Variants in UNC93A observed in about 807,000 individuals in gnomAD.
The protein encoded by UNC93A is N-acetylglucosamine transporter UNC93A.
Under a neutral mutation model 47.5 loss-of-function variants are expected in UNC93A, and 43 were observed. The ratio of observed to expected loss-of-function variants is 0.91; its 90% CI spans 0.71 to 1.17. The LOEUF is 1.17. Among genes scored for constraint, UNC93A ranks in the 50% most tolerant of loss-of-function variants. The pLI is 0.00. For synonymous variants in UNC93A, 280 were observed against 258.0 expected, an observed-to-expected ratio of 1.09 and a Z score of -0.82; for missense variants, 605 against 577.6, an observed-to-expected ratio of 1.05 and a Z score of -0.49.
At position 167,315,071 on chromosome 6, in the gene UNC93A, G is replaced by GA. The variant is rs1405332073; in HGVS notation, c.1109-111dup. 6.8e-6 allele frequency: 10 copies of GA among 1,460,872 alleles called. No individual in the cohort carries two copies. The Admixed American group carries it at 2.3e-4, about 33-fold the overall frequency. The allele number at this position is 1,460,872 out of a possible 1,614,324, so 90.5% of individuals were successfully genotyped here. ...GTAAAATCATTCTGTTGTGAAAAAA[G>GA]AAAAATGTCTTGATTTAGTTGAGAA... is the stretch of plus-strand genomic sequence containing the variant. On this transcript the variant is annotated intron_variant, in intron 7 of 7. Transcript: ENST00000230256.
At position 167,291,575 on chromosome 6, in the gene UNC93A, A is replaced by G. The variant is rs1783842255; in HGVS notation, c.86A>G (p.Gln29Arg). Residue 29 changes from glutamine (Q) to arginine (R), a missense_variant and splice_region_variant, in exon 1 of 8, where the codon CAG (glutamine) becomes CGG (arginine). Coordinates refer to ENST00000230256, the MANE Select transcript of UNC93A (RefSeq NM_018974.4). ...GCCTATGGAGGTCTGCAGAGCCTGC[A>G]GGTATGTGTGTCCGGTCATCAAATT... is the stretch of plus-strand genomic sequence containing the variant. ...FTAYGGLQSL[Q>R]SSLYSEEGLG... 1 of 1,610,286 alleles carries G rather than the reference A, an allele frequency of 6.2e-7. No homozygotes were observed.
intron 4 of UNC93A, among the ~76,000 whole-genome samples, chr6:167,301,981 A>C (rs1778253175): frequency 1.3e-5 from 2 of 152,200 alleles, no homozygotes; most frequent in African/African-American, 4.8e-5. Context: ...TGGCAGCAGG[A>C]GTCCTGCTTT....
At chr6:167,281,215 C>G (rs1202050378) in intron 1 of UNC93A, among the ~76,000 whole-genome samples, 1 of 151,666 alleles carries the variant, frequency 6.6e-6, no homozygotes, top group African/African-American at 2.4e-5. Context: ...GAAAGGAGCC[C>G]CAGGGGGACA....
chr6:167,301,844 C>T (rs1035175282), intron 4 of UNC93A, among the ~76,000 whole-genome samples: 7 of 152,124 alleles, frequency 4.6e-5, no homozygotes, highest in Non-Finnish European at 1.0e-4. Flanking sequence ...CTCAGGGGGT[C>T]GGCTTGGAAG....
intron 7 of UNC93A, 34 bp from the exon 8 acceptor site, chr6:167,315,153 T>C: frequency 6.2e-7 from 1 of 1,611,456 alleles, no homozygotes. Flanking sequence ...GTGGGGCCCA[T>C]GGCAGAGCTC....
intron 1 of UNC93A, among the ~76,000 whole-genome samples, chr6:167,278,025 A>G (rs1783572312): frequency 6.6e-6 from 1 of 152,016 alleles, no homozygotes; most frequent in Admixed American, 6.5e-5. Flanking sequence ...TCCTCTACCC[A>G]CCCCAGGGAC....
At chr6:167,300,492 G>GCCGGGGGGAGGCTGGACGAGGCTCTTAC (rs1778212204) in intron 4 of UNC93A, among the ~76,000 whole-genome samples, 1 of 152,144 alleles carries the variant, frequency 6.6e-6, no homozygotes, top group African/African-American at 2.4e-5. Flanking sequence ...GAGGCTCTTA[G>GCCGGGGGGAGGCTGGACGAGGCTCTTAC]CCAGTGAGAG....
intron 1 of UNC93A, among the ~76,000 whole-genome samples, chr6:167,285,210 C>A (rs750400654): frequency 1.4e-5 from 2 of 147,262 alleles, no homozygotes; most frequent in African/African-American, 4.9e-5. Context: ...CCCTGCCACA[C>A]AGGCTGGCCC....
At chr6:167,305,787 G>T in intron 5 of UNC93A, 128 bp from the exon 6 acceptor site, 1 of 1,290,046 alleles carries the variant, frequency 7.8e-7, no homozygotes, top group Non-Finnish European at 1.1e-6. Context: ...GAGCCTAGAG[G>T]AAGGTGTAGG....
At chr6:167,299,185 C>T (rs967255606) in intron 4 of UNC93A, among the ~76,000 whole-genome samples, 7 of 130,948 alleles carry the variant, frequency 5.3e-5, no homozygotes, top group South Asian at 2.4e-4. Flanking sequence ...TACATATACA[C>T]GTATATATTT....
chr6:167,309,127 G>A (rs142193342), intron 7 of UNC93A, among the ~76,000 whole-genome samples: 2,865 of 152,256 alleles, frequency 0.019, 100 homozygotes, highest in African/African-American at 0.066. Context: ...TCGGGAGGCT[G>A]AGGCAGGAGA....
chr6:167,296,061 T>C lies in UNC93A; in HGVS notation c.299T>C (p.Leu100Pro). 6.2e-7 allele frequency: 1 copy of C among 1,614,198 alleles called. No individual in the cohort carries two copies. The highest frequency in any genetic ancestry group is 8.5e-7 in the Non-Finnish European group (1 of 1,180,030). ...ACTTTGATCCCCACCTCCATACTGCTGGGACTCGGGGCCGCCCCGCTGTGG... is the reference window on the plus strand; with the variant it reads ...ACTTTGATCCCCACCTCCATACTGCCGGGACTCGGGGCCGCCCCGCTGTGG... ...WYTLIPTSILLGLGAAPLWSA... is the reference protein window; with the variant it reads ...WYTLIPTSILPGLGAAPLWSA... Residue 100 changes from leucine (L) to proline (P), a missense_variant, in exon 3 of 8, where the codon CTG becomes CCG. Transcript: ENST00000230256.
intron 7 of UNC93A, among the ~76,000 whole-genome samples, chr6:167,312,247 G>A (rs955963146): frequency 6.6e-6 from 1 of 150,832 alleles, no homozygotes; most frequent in Non-Finnish European, 1.5e-5. Context: ...TACAGGACAG[G>A]GACAGGCCTC....
chr6:167,275,897 G>T (rs921158289), intron 1 of UNC93A, among the ~76,000 whole-genome samples: 1 of 152,080 alleles, frequency 6.6e-6, no homozygotes, highest in Non-Finnish European at 1.5e-5. Context: ...GTTAACTCTG[G>T]TTATCCTGCA....
upstream of UNC93A, among the ~76,000 whole-genome samples, chr6:167,288,921 C>A (rs1010929991): frequency 6.6e-5 from 10 of 152,392 alleles, no homozygotes; most frequent in African/African-American, 2.4e-4. Flanking sequence ...TTTTAACGTC[C>A]AATGAGTGAC....
At chr6:167,295,337 C>A (rs1435942813) in intron 2 of UNC93A, among the ~76,000 whole-genome samples, 1 of 152,248 alleles carries the variant, frequency 6.6e-6, no homozygotes, top group African/African-American at 2.4e-5. Flanking sequence ...GCCGCTGAGG[C>A]CCGAGCCGGT....
At chr6:167,309,168 G>A (rs1258328054) in intron 7 of UNC93A, among the ~76,000 whole-genome samples, 2 of 152,178 alleles carry the variant, frequency 1.3e-5, no homozygotes, top group East Asian at 1.9e-4. Flanking sequence ...AGAGGTCATA[G>A]TTAGCCGAGA....
At chr6:167,304,537 A>G (rs1778328211) in intron 5 of UNC93A, among the ~76,000 whole-genome samples, 1 of 150,230 alleles carries the variant, frequency 6.7e-6, no homozygotes, top group African/African-American at 2.5e-5. Context: ...GAATACCACC[A>G]AAATTTCTTA....
At chr6:167,270,673 T>C (rs1783437139), upstream of UNC93A, among the ~76,000 whole-genome samples, 1 of 152,110 alleles carries the variant, frequency 6.6e-6, no homozygotes, top group African/African-American at 2.4e-5. Context: ...GAGCCTCGAG[T>C]TCCATGTGAC....
Sources: allele counts gnomAD v4.1 joint callset (sites outside exome capture counted in the v4.1 genomes callset), GRCh38; gene constraint gnomAD v4.1.1; transcripts MANE v1.5; gene names NCBI Gene and HGNC (gene_info 2026-07-23, HGNC 2026-07-21).